The following RSRC1 variants were observed in gnomAD, a reference collection of about 807,000 sequenced individuals.
The protein encoded by RSRC1 is serine/Arginine-related protein 53.
RSRC1 carries 39 observed loss-of-function variants against 49.1 expected under a neutral mutation model. The observed-to-expected ratio is 0.79, with a 90% CI of 0.61 to 1.04. The LOEUF is 1.04. RSRC1 is among the 50% of genes least tolerant of loss of function. The pLI is 0.00. For missense variants in RSRC1, 388 were observed against 402.4 expected, an observed-to-expected ratio of 0.96 and a Z score of 0.31; for synonymous variants, 143 against 130.8, an observed-to-expected ratio of 1.09 and a Z score of -0.63.
At chr3:158,316,437 C>CCTTTTTTTTTTTTTTTT (rs1728450999) in intron 5 of RSRC1, among the ~76,000 whole-genome samples, 1 of 87,480 alleles carries the variant, frequency 1.1e-5, no homozygotes, top group Non-Finnish European at 2.2e-5. Context: ...CAGAATCTCT[C>CCTTTTTTTTTTTTTTTT]ATTTTTTTTT....
chr3:158,172,101 A>T (rs1005125078), intron 3 of RSRC1, among the ~76,000 whole-genome samples: 1 of 152,214 alleles, frequency 6.6e-6, no homozygotes, highest in African/African-American at 2.4e-5. Context: ...TATGTGTGTA[A>T]TTAGAGTTTC....
At chr3:158,428,667 A>C (rs1245649456) in intron 6 of RSRC1, among the ~76,000 whole-genome samples, 1 of 151,928 alleles carries the variant, frequency 6.6e-6, no homozygotes, top group Admixed American at 6.6e-5. Context: ...CATAACGTGT[A>C]TTATAACCTA....
At chr3:158,410,322 T>C (rs1734392158) in intron 6 of RSRC1, among the ~76,000 whole-genome samples, 1 of 152,126 alleles carries the variant, frequency 6.6e-6, no homozygotes, top group South Asian at 2.1e-4. Context: ...AATACTTACC[T>C]CTTCCCTCTC....
chr3:158,443,650 A>G, intron 6 of RSRC1, among the ~76,000 whole-genome samples: 1 of 152,246 alleles, frequency 6.6e-6, no homozygotes, highest in Non-Finnish European at 1.5e-5. Context: ...CTTACCATTT[A>G]TGTGTTCACT....
At chr3:158,204,046 C>G (rs1486186396) in intron 4 of RSRC1, among the ~76,000 whole-genome samples, 1 of 151,804 alleles carries the variant, frequency 6.6e-6, no homozygotes, top group Non-Finnish European at 1.5e-5. Context: ...CTTTCAGTGT[C>G]TTGTGTGAAT....
At chr3:158,217,400 C>G (rs1358001995) in intron 4 of RSRC1, among the ~76,000 whole-genome samples, 1 of 151,668 alleles carries the variant, frequency 6.6e-6, no homozygotes, top group Non-Finnish European at 1.5e-5. Context: ...AAATGTGAGG[C>G]ATGGAGTAAA....
intron 5 of RSRC1, among the ~76,000 whole-genome samples, chr3:158,333,061 C>T (rs539131135): frequency 5.9e-5 from 9 of 152,018 alleles, no homozygotes; most frequent in East Asian, 1.9e-4. Flanking sequence ...CTCCGCCTCC[C>T]GGGTTCACGC....
chr3:158,267,858 C>CT (rs377128391), intron 4 of RSRC1, among the ~76,000 whole-genome samples: 22 of 91,192 alleles, frequency 2.4e-4, no homozygotes, highest in East Asian at 3.6e-4. Context: ...GTTTCCATAT[C>CT]TATTTTTTTT....
rs1170873036 is a variant in RSRC1 at position 158,284,389 on chromosome 3, G to A, written c.495-13650G>A. 2.5e-4 allele frequency among the ~76,000 whole-genome samples: 36 copies of A among 146,202 alleles called. 1 individual carries two copies. The highest frequency in any genetic ancestry group is 1.5e-3 in the Admixed American group (22 of 14,598). On this transcript the variant is annotated intron_variant, in intron 4 of 9. Coordinates refer to ENST00000611884, the MANE Select transcript of RSRC1 (RefSeq NM_001271838.2). ...TGTCTTTATAGCGGCATGATTTATAGTCCTTTGGGTATATACCCAGTAATG... is the reference window on the plus strand; with the variant it reads ...TGTCTTTATAGCGGCATGATTTATAATCCTTTGGGTATATACCCAGTAATG...
At chr3:158,509,830 A>G (rs527431254) in intron 7 of RSRC1, among the ~76,000 whole-genome samples, 7 of 152,164 alleles carry the variant, frequency 4.6e-5, no homozygotes, top group African/African-American at 1.7e-4. Flanking sequence ...AAACTTACTG[A>G]TTCTCTTGTT....
rs188582144 is a variant in RSRC1 at position 158,306,097 on chromosome 3, G to A, written c.531+8022G>A. Among the ~76,000 whole-genome samples, 31 of 151,578 alleles carry A rather than the reference G, an allele frequency of 2.0e-4. No individual in the cohort carries two copies. The East Asian group carries it at 3.1e-3, about 15-fold the overall frequency. ...ATATCCTTACCCTTTTAAAAACTTC[G>A]TTATATGCTTTTAAATATTATAAAG... On this transcript the variant is annotated intron_variant, in intron 5 of 9. Transcript: ENST00000611884.
intron 4 of RSRC1, among the ~76,000 whole-genome samples, chr3:158,232,550 T>A (rs1723026565): frequency 6.6e-6 from 1 of 152,190 alleles, no homozygotes; most frequent in Non-Finnish European, 1.5e-5. Flanking sequence ...AACAAGTATA[T>A]AGAACCTTGG....
chr3:158,462,171 G>GA (rs1401939485), intron 7 of RSRC1, among the ~76,000 whole-genome samples: 1 of 151,684 alleles, frequency 6.6e-6, no homozygotes, highest in African/African-American at 2.4e-5. Flanking sequence ...GGTATACTGA[G>GA]AAAAAAATGA....
intron 6 of RSRC1, among the ~76,000 whole-genome samples, chr3:158,381,222 G>A (rs976152605): frequency 2.0e-5 from 3 of 152,158 alleles, no homozygotes; most frequent in Non-Finnish European, 2.9e-5. Flanking sequence ...GGAAACAGAT[G>A]TAAAGATGCA....
intron 5 of RSRC1, among the ~76,000 whole-genome samples, chr3:158,319,695 A>G (rs1211986362): frequency 6.6e-6 from 1 of 152,174 alleles, no homozygotes; most frequent in East Asian, 1.9e-4. Flanking sequence ...CATAATTATT[A>G]TCAACAGTTC....
intron 3 of RSRC1, among the ~76,000 whole-genome samples, chr3:158,145,663 G>C (rs1172912889): frequency 6.6e-6 from 1 of 152,096 alleles, no homozygotes; most frequent in Admixed American, 6.6e-5. Context: ...TTTCAATTCT[G>C]TGAAGAAAGT....
intron 7 of RSRC1, among the ~76,000 whole-genome samples, chr3:158,493,630 A>C (rs538651294): frequency 1.1e-3 from 173 of 152,352 alleles, no homozygotes; most frequent in Non-Finnish European, 1.9e-3. Context: ...GAAGGGGGTC[A>C]GAGAGCTTCA....
At chr3:158,395,784 T>G (rs1483858450) in intron 6 of RSRC1, among the ~76,000 whole-genome samples, 1 of 152,158 alleles carries the variant, frequency 6.6e-6, no homozygotes, top group Admixed American at 6.6e-5. Context: ...CTCAAGGAAC[T>G]TAACACAGAA....
intron 6 of RSRC1, among the ~76,000 whole-genome samples, chr3:158,419,132 T>C (rs1039731096): frequency 3.3e-5 from 5 of 152,012 alleles, no homozygotes; most frequent in South Asian, 4.1e-4. Flanking sequence ...TTAAATTATG[T>C]CAATTATGTT....
Sources: allele counts gnomAD v4.1 joint callset (sites outside exome capture counted in the v4.1 genomes callset), GRCh38; gene constraint gnomAD v4.1.1; transcripts MANE v1.5; gene names NCBI Gene and HGNC (gene_info 2026-07-23, HGNC 2026-07-21).